SLC25A40: variants seen among roughly 807,000 people sequenced by gnomAD.
SLC25A40 encodes mitochondrial glutathione transporter SLC25A40.
Under a neutral mutation model 46.5 loss-of-function variants are expected in SLC25A40, and 41 were observed. The observed-to-expected ratio is 0.88, with a 90% CI of 0.69 to 1.14. The LOEUF (loss-of-function observed/expected upper bound fraction) is 1.14, where lower values mean the gene tolerates loss of function less well. SLC25A40 is among the 50% of genes most tolerant of loss of function. SLC25A40 has a pLI of 0.00. For synonymous variants in SLC25A40, 126 were observed against 127.5 expected (o/e 0.99, Z 0.08); for missense variants, 386 against 393.6 (o/e 0.98, Z 0.16).
intron 2 of SLC25A40, 93 bp from the exon 3 acceptor site, chr7:87,858,844 T>C (rs1838653016): frequency 1.5e-6 from 1 of 686,710 alleles, no homozygotes; most frequent in African/African-American, 1.8e-5. Flanking sequence ...AGCATCACAT[T>C]AGTAAGACAA....
At chr7:87,841,850 ATTTTT>A in intron 9 of SLC25A40, 136 bp from the exon 10 acceptor site, 1 of 411,958 alleles carries the variant, frequency 2.4e-6, no homozygotes, top group East Asian at 4.4e-5. Flanking sequence ...TAATATATAT[ATTTTT>A]AAGTTTTCAT....
intron 10 of SLC25A40, among the ~76,000 whole-genome samples, chr7:87,841,367 T>C (rs1838331998): frequency 6.6e-6 from 1 of 151,776 alleles, no homozygotes; most frequent in Non-Finnish European, 1.5e-5. Flanking sequence ...AGCTTTTAAA[T>C]GACAAAGATT....
At position 87,835,246 on chromosome 7, in the gene SLC25A40, C is replaced by G. The variant is rs2130992203; in HGVS notation, c.*1003G>C. Reference sequence around the variant, plus strand: ...TTTAGACATGTATGGTGACTGAAAGCAATGTCTTCAAGGAAACAGCTTCTT... The same window carrying G: ...TTTAGACATGTATGGTGACTGAAAGGAATGTCTTCAAGGAAACAGCTTCTT... On this transcript the variant is annotated 3_prime_UTR_variant, in exon 12 of 12. Transcript: ENST00000341119. 1 of 151,628 alleles carries G rather than the reference C, an allele frequency of 6.6e-6. No homozygotes were observed. The highest frequency in any genetic ancestry group is 1.9e-4 in the East Asian group (1 of 5,168). 9.4% of individuals were successfully genotyped at this position (151,628 alleles called of 1,614,324 possible). A position where few individuals can be genotyped will look rare whatever the true frequency, so the allele number is the denominator to read the frequency against.
At chr7:87,864,694 G>A (rs1379227137) in intron 1 of SLC25A40, among the ~76,000 whole-genome samples, 1 of 152,064 alleles carries the variant, frequency 6.6e-6, no homozygotes, top group African/African-American at 2.4e-5. Context: ...TTTTCAAATT[G>A]TGTCTTTATA....
intron 1 of SLC25A40, among the ~76,000 whole-genome samples, chr7:87,862,065 T>C (rs529359531): frequency 6.6e-6 from 1 of 152,220 alleles, no homozygotes; most frequent in Non-Finnish European, 1.5e-5. Flanking sequence ...GGAGTACAGG[T>C]AGAAAATCTG....
intron 1 of SLC25A40, among the ~76,000 whole-genome samples, chr7:87,861,504 G>A (rs1357174853): frequency 6.6e-6 from 1 of 152,040 alleles, no homozygotes; most frequent in Non-Finnish European, 1.5e-5. Context: ...ATACTAAAAT[G>A]TTATGATTTG....
chr7:87,856,863 T>A (rs1333377850), intron 3 of SLC25A40, among the ~76,000 whole-genome samples: 1 of 152,204 alleles, frequency 6.6e-6, no homozygotes, highest in Non-Finnish European at 1.5e-5. Flanking sequence ...AAAATAGTTT[T>A]AATATGCATG....
intron 5 of SLC25A40, 55 bp from the exon 6 acceptor site, chr7:87,850,003 A>C: frequency 9.1e-7 from 1 of 1,104,246 alleles, no homozygotes; most frequent in Non-Finnish European, 1.3e-6. Context: ...CCTTTTATAC[A>C]AAAATTTATA....
rs1838237101 is a variant in SLC25A40, at chr7:87,834,974, C to CATA, written c.*1274_*1275insTAT. On this transcript the variant is annotated 3_prime_UTR_variant, in exon 12 of 12. Coordinates refer to ENST00000341119, the MANE Select transcript of SLC25A40 (RefSeq NM_018843.4). Reference sequence around the variant, plus strand: ...ACACTTTCCTACTATAGTACAAAATCAATTAGTTCCTCTACCAGCACTAAA... The same window carrying CATA: ...ACACTTTCCTACTATAGTACAAAATCATAAATTAGTTCCTCTACCAGCACTAAA... 1 of 151,284 alleles carries CATA rather than the reference C, an allele frequency of 6.6e-6. No individual in the cohort carries two copies. The highest frequency in any genetic ancestry group is 1.5e-5 in the Non-Finnish European group (1 of 67,580). The allele number at this position is 151,284 out of a possible 1,614,324, so 9.4% of individuals were successfully genotyped here.
Position 87,835,485 on chromosome 7 carries a change from T to G in SLC25A40, c.*764A>C, listed in dbSNP as rs1321454567. ...ACTATTTTTACCAGTCTAAATACTA[T>G]ATGGTTTACCACTGAACACCCAAGT... On this transcript the variant is annotated 3_prime_UTR_variant, in exon 12 of 12. Transcript: ENST00000341119. The G allele has an allele frequency of 6.6e-6, 1 of 151,644 alleles. No homozygotes were observed. The highest frequency in any genetic ancestry group is 2.4e-5 in the African/African-American group (1 of 41,396). 9.4% of individuals were successfully genotyped at this position (151,644 alleles called of 1,614,324 possible). A position where few individuals can be genotyped will look rare whatever the true frequency, so the allele number is the denominator to read the frequency against.
chr7:87,876,319 G>A lies in SLC25A40; in HGVS notation c.-317C>T, dbSNP rs1010597113. On this transcript the variant is annotated 5_prime_UTR_variant, in exon 1 of 12. Coordinates refer to ENST00000341119, the MANE Select transcript of SLC25A40 (RefSeq NM_018843.4). ...AACGGAATGGAGGCGGGGTAGAGGC[G>A]GAAACACAACCTGCAGGGCCAGAGC... 2 of 168,048 alleles carry A rather than the reference G, an allele frequency of 1.2e-5. No homozygotes were observed. Among genetic ancestry groups the A allele is most frequent in the African/African-American group, 2.4e-5 (1 of 41,956 alleles). The allele number at this position is 168,048 out of a possible 1,614,324, so 10.4% of individuals were successfully genotyped here.
intron 8 of SLC25A40, among the ~76,000 whole-genome samples, chr7:87,844,603 A>G (rs1461076118): frequency 3.3e-5 from 5 of 152,092 alleles, no homozygotes; most frequent in Non-Finnish European, 7.4e-5. Flanking sequence ...ATGATATAAA[A>G]CAGTTCAATT....
chr7:87,836,203 C>T lies in SLC25A40; in HGVS notation c.*46G>A, dbSNP rs555661586. 4 of 1,146,382 alleles carry T rather than the reference C, an allele frequency of 3.5e-6. No homozygotes were observed. In the Admixed American group the frequency reaches 8.6e-5, roughly 25 times the overall value. 71.0% of individuals were successfully genotyped at this position (1,146,382 alleles called of 1,614,324 possible). A position where few individuals can be genotyped will look rare whatever the true frequency, so the allele number is the denominator to read the frequency against. On this transcript the variant is annotated 3_prime_UTR_variant, in exon 12 of 12. Transcript: ENST00000341119. ...GAAAAACATTCTTGCCTAAGAGTCT[C>T]CATCTTCTTTGGCTATAGTTGTTGT... is the stretch of plus-strand genomic sequence containing the variant.
chr7:87,836,318 A>C lies in SLC25A40; in HGVS notation c.948T>G (p.Ile316Met). 1 of 1,568,364 alleles carries C rather than the reference A, an allele frequency of 6.4e-7. No individual in the cohort carries two copies. The highest frequency in any genetic ancestry group is 8.6e-7 in the Non-Finnish European group (1 of 1,161,670). The change falls in exon 12 of 12, where the codon ATT becomes ATG. Residue 316 changes from isoleucine to methionine, a missense_variant. Physicochemically the swap from Ile to Met is conservative, Grantham distance 10 (BLOSUM62 1). Coordinates refer to ENST00000341119, the MANE Select transcript of SLC25A40 (RefSeq NM_018843.4). ...TTCCAAATTCATATGTACTGATCAT[A>C]ATGGCACAAGCAGGAGCAATTTTAA... ...RLIKIAPACA[I>M]MISTYEFGKA...
At chr7:87,871,330 C>A (rs2131025484) in intron 1 of SLC25A40, among the ~76,000 whole-genome samples, 1 of 152,306 alleles carries the variant, frequency 6.6e-6, no homozygotes, top group Admixed American at 6.5e-5. Flanking sequence ...TTCAGACCAA[C>A]AAGCCAAAGG....
At chr7:87,867,707 T>C (rs192466784) in intron 1 of SLC25A40, among the ~76,000 whole-genome samples, 5 of 152,292 alleles carry the variant, frequency 3.3e-5, no homozygotes, top group South Asian at 4.1e-4. Flanking sequence ...TTGGTCTGGA[T>C]TGTTTTGGTG....
chr7:87,848,378 T>C (rs972471082), intron 6 of SLC25A40, among the ~76,000 whole-genome samples: 2 of 152,110 alleles, frequency 1.3e-5, no homozygotes, highest in Non-Finnish European at 2.9e-5. Flanking sequence ...CCAGCCTATT[T>C]AGGGACAGAG....
Position 87,847,930 on chromosome 7 carries a change from T to G in SLC25A40, c.380A>C (p.Gln127Pro). 2.5e-6 allele frequency: 4 copies of G among 1,610,990 alleles called. No homozygotes were observed. Among genetic ancestry groups the G allele is most frequent in the Non-Finnish European group, 3.4e-6 (4 of 1,178,792 alleles). The part of the protein sequence containing the change: ...ATVIYFTCYD[Q>P]LSALLRSKLG... ...CTTAGATCTCAGAAGAGCACTTAATTGATCATAGCAGGTAAAATAAATAAC... is the reference window on the plus strand; with the variant it reads ...CTTAGATCTCAGAAGAGCACTTAATGGATCATAGCAGGTAAAATAAATAAC... Residue 127 changes from glutamine to proline, a missense_variant, in exon 7 of 12, where the codon CAA (glutamine) becomes CCA (proline). Transcript: ENST00000341119.
chr7:87,851,836 T>C (rs1302696375), intron 5 of SLC25A40, among the ~76,000 whole-genome samples: 2 of 152,022 alleles, frequency 1.3e-5, no homozygotes, highest in Non-Finnish European at 2.9e-5. Flanking sequence ...ATGTTTTAAG[T>C]GAGATTAAAG....
Sources: gnomAD v4.1 joint callset for allele counts (sites outside exome capture counted in the v4.1 genomes callset) on GRCh38, gnomAD v4.1.1 for gene constraint, MANE v1.5 for transcripts, NCBI Gene and HGNC (gene_info 2026-07-23, HGNC 2026-07-21) for gene names.